The following AUH variants were observed in gnomAD, a reference collection of about 807,000 sequenced individuals.
The protein encoded by AUH is AU RNA binding methylglutaconyl-CoA hydratase.
Under a neutral mutation model 42.3 loss-of-function variants are expected in AUH, and 29 were observed. That is an observed-to-expected ratio of 0.69 (90% confidence interval 0.51 to 0.93). The LOEUF (loss-of-function observed/expected upper bound fraction) is 0.93. AUH is among the 40% of genes least tolerant of loss of function. The pLI is 0.00. For synonymous variants in AUH, 174 were observed against 166.4 expected (o/e 1.05, Z -0.35); for missense variants, 452 against 438.1 (o/e 1.03, Z -0.28).
chr9:91,321,508 A>C (rs1972090), intron 4 of AUH, among the ~76,000 whole-genome samples: 1 of 151,920 alleles, frequency 6.6e-6, no homozygotes, highest in Admixed American at 6.5e-5. Context: ...AAGCTTTATG[A>C]CTCCAAAAAG....
chr9:91,325,338 C>G lies in AUH; in HGVS notation c.485G>C (p.Arg162Thr). 6.2e-7 allele frequency: 1 copy of G among 1,613,798 alleles called. No individual in the cohort carries two copies. The highest frequency in any genetic ancestry group is 8.5e-7 in the Non-Finnish European group (1 of 1,179,838). ...SEVGPFVSKI[R>T]AVINDIANLP... ...CTTACCAATATCGTTAATCACTGCT[C>G]TTATTTTGGAGACAAAAGGACCAAC... The change falls in exon 4 of 10, where the codon AGA becomes ACA. Residue 162 changes from arginine to threonine, a missense_variant. Transcript: ENST00000375731.
chr9:91,252,315 T>A lies in AUH; in HGVS notation c.656-31323A>T, dbSNP rs534099216. On this transcript the variant is annotated intron_variant, in intron 6 of 9. Transcript: ENST00000375731. ...AGTAGGCATTTAAAAACAAAACTTG[T>A]ACATATGGTCAAGGAAGAGCTACAC... Among the ~76,000 whole-genome samples the A allele has an allele frequency of 2.0e-5, 3 of 151,998 alleles. No homozygotes were observed. The South Asian group carries it at 6.2e-4, about 32-fold the overall frequency.
intron 4 of AUH, among the ~76,000 whole-genome samples, chr9:91,322,060 A>C (rs1220040146): frequency 6.6e-6 from 1 of 152,248 alleles, no homozygotes; most frequent in East Asian, 1.9e-4. Context: ...GTCTGGAATC[A>C]TCACAGTAAG....
chr9:91,251,083 G>A (rs1005584763), intron 6 of AUH, among the ~76,000 whole-genome samples: 2 of 152,140 alleles, frequency 1.3e-5, no homozygotes, highest in South Asian at 2.1e-4. Flanking sequence ...AGGGGTTACC[G>A]ACGTACCACA....
intron 3 of AUH, among the ~76,000 whole-genome samples, chr9:91,341,569 G>A (rs1012666732): frequency 1.2e-4 from 18 of 152,166 alleles, no homozygotes; most frequent in African/African-American, 4.3e-4. Flanking sequence ...AGCCACCTAC[G>A]CATGCTCTGT....
chr9:91,289,684 A>C (rs1389877500), intron 6 of AUH, among the ~76,000 whole-genome samples: 1 of 152,248 alleles, frequency 6.6e-6, no homozygotes, highest in Non-Finnish European at 1.5e-5. Context: ...ATTTAAAAAC[A>C]CAATTTTTGA....
intron 6 of AUH, among the ~76,000 whole-genome samples, chr9:91,286,879 C>T (rs540724831): frequency 6.6e-6 from 1 of 152,014 alleles, no homozygotes; most frequent in African/African-American, 2.4e-5. Context: ...ATGGTGACCA[C>T]AGGTAATGAT....
intron 4 of AUH, among the ~76,000 whole-genome samples, chr9:91,316,262 G>A (rs961909235): frequency 1.3e-5 from 2 of 152,072 alleles, no homozygotes; most frequent in African/African-American, 4.8e-5. Context: ...AAACTAGAGT[G>A]TACAGACAGA....
At chr9:91,235,941 C>T (rs1434532509) in intron 6 of AUH, among the ~76,000 whole-genome samples, 1 of 152,212 alleles carries the variant, frequency 6.6e-6, no homozygotes, top group Non-Finnish European at 1.5e-5. Flanking sequence ...AAAGACAGCA[C>T]TAGGCTGCTG....
chr9:91,331,030 A>T lies in AUH; in HGVS notation c.419-5626T>A, dbSNP rs532221703. Among the ~76,000 whole-genome samples the T allele has an allele frequency of 4.6e-4, 70 of 152,046 alleles. No individual in the cohort carries two copies. The South Asian group carries it at 0.013, about 29-fold the overall frequency. ...ATGTCCACATTATACTTCAGTTAAA[A>T]TTTTTTTTAAGTTTCCTGATTCCAT... On this transcript the variant is annotated intron_variant, in intron 3 of 9. Coordinates refer to ENST00000375731, the MANE Select transcript of AUH (RefSeq NM_001698.3).
chr9:91,303,524 G>A (rs746714334), intron 4 of AUH, among the ~76,000 whole-genome samples: 20 of 152,244 alleles, frequency 1.3e-4, no homozygotes, highest in Non-Finnish European at 2.8e-4. Context: ...TAGAGACAGG[G>A]TTTCACCGTG....
At chr9:91,236,514 A>G (rs961404673) in intron 6 of AUH, among the ~76,000 whole-genome samples, 3 of 152,184 alleles carry the variant, frequency 2.0e-5, no homozygotes, top group African/African-American at 4.8e-5. Flanking sequence ...GTGAGGAGAG[A>G]AGAGAGGAAA....
At chr9:91,219,781 T>C (rs1482845285) in intron 7 of AUH, among the ~76,000 whole-genome samples, 1 of 152,222 alleles carries the variant, frequency 6.6e-6, no homozygotes, top group Non-Finnish European at 1.5e-5. Flanking sequence ...AAGGCTCCTG[T>C]GCTGAGTGCC....
At chr9:91,338,263 T>C (rs574597599) in intron 3 of AUH, among the ~76,000 whole-genome samples, 16 of 152,340 alleles carry the variant, frequency 1.1e-4, no homozygotes, top group Admixed American at 8.5e-4. Context: ...TCGAGGCTTC[T>C]TTCTGAAACG....
intron 3 of AUH, among the ~76,000 whole-genome samples, chr9:91,345,402 A>G (rs912984353): frequency 2.0e-5 from 3 of 152,232 alleles, no homozygotes; most frequent in African/African-American, 7.2e-5. Flanking sequence ...TATACTAGTA[A>G]TAAAAAATTG....
chr9:91,274,768 A>G (rs1158637261), intron 6 of AUH, among the ~76,000 whole-genome samples: 2 of 152,214 alleles, frequency 1.3e-5, no homozygotes, highest in East Asian at 1.9e-4. Context: ...ATATAAAATT[A>G]AAGCATAGAA....
intron 6 of AUH, among the ~76,000 whole-genome samples, chr9:91,288,584 C>T (rs924464601): frequency 2.6e-5 from 4 of 151,970 alleles, no homozygotes; most frequent in Middle Eastern, 3.2e-3. Flanking sequence ...TATTGGTAAT[C>T]AAAAACATAT....
intron 4 of AUH, 91 bp from the exon 5 acceptor site, chr9:91,298,167 T>G (rs1253142699): frequency 5.1e-6 from 5 of 975,976 alleles, no homozygotes; most frequent in African/African-American, 1.6e-5. Context: ...AATTTATGCT[T>G]TAAATGGGAG....
intron 3 of AUH, among the ~76,000 whole-genome samples, chr9:91,346,010 T>C (rs1236168069): frequency 6.6e-6 from 1 of 151,786 alleles, no homozygotes; most frequent in East Asian, 1.9e-4. Flanking sequence ...CACCTGTGTA[T>C]AAAAAAAATA....
Sources: allele counts gnomAD v4.1 joint callset (sites outside exome capture counted in the v4.1 genomes callset), GRCh38; gene constraint gnomAD v4.1.1; transcripts MANE v1.5; gene names NCBI Gene and HGNC (gene_info 2026-07-23, HGNC 2026-07-21).